Variants in FGD4 observed in about 807,000 individuals in gnomAD.
The protein encoded by FGD4 is FYVE, RhoGEF and PH domain-containing protein 4.
Under a neutral mutation model 102.0 loss-of-function variants are expected in FGD4, and 42 were observed. The observed-to-expected ratio is 0.41, with a 90% CI of 0.32 to 0.53. The LOEUF (loss-of-function observed/expected upper bound fraction) is 0.53, where lower values mean the gene tolerates loss of function less well. FGD4 is among the 20% of genes least tolerant of loss of function. The pLI, the probability that FGD4 is intolerant of heterozygous loss-of-function variation, is 0.21. For synonymous variants in FGD4, 380 were observed against 375.7 expected (o/e 1.01, Z -0.13); for missense variants, 902 against 1,078.2 (o/e 0.84, Z 2.29).
intron 1 of FGD4, among the ~76,000 whole-genome samples, chr12:32,470,663 A>G (rs1033062818): frequency 6.6e-6 from 1 of 151,922 alleles, no homozygotes; most frequent in Non-Finnish European, 1.5e-5. Context: ...CATGTTGGCC[A>G]TGCTGGTCTC....
intron 1 of FGD4, among the ~76,000 whole-genome samples, chr12:32,484,872 A>G (rs1943850179): frequency 6.6e-6 from 1 of 152,198 alleles, no homozygotes; most frequent in Admixed American, 6.5e-5. Context: ...ACTCTGTCTC[A>G]GAAAAAAAAC....
intron 1 of FGD4, among the ~76,000 whole-genome samples, chr12:32,539,555 G>A (rs2136119078): frequency 6.8e-6 from 1 of 147,728 alleles, no homozygotes; most frequent in Middle Eastern, 3.5e-3. Flanking sequence ...GGCAACAAGA[G>A]CGAAACTCTG....
chr12:32,619,404 G>A (rs187225005), intron 10 of FGD4, among the ~76,000 whole-genome samples: 194 of 152,088 alleles, frequency 1.3e-3, no homozygotes, highest in Non-Finnish European at 1.9e-3. Flanking sequence ...TGAGGCGGGC[G>A]GATCACGAGG....
intron 2 of FGD4, among the ~76,000 whole-genome samples, chr12:32,575,144 G>A (rs1420619867): frequency 1.3e-5 from 2 of 152,150 alleles, no homozygotes; most frequent in East Asian, 3.9e-4. Flanking sequence ...GACTTATGAA[G>A]AAAGTAGATG....
chr12:32,472,455 T>A (rs1943439464), intron 1 of FGD4, among the ~76,000 whole-genome samples: 1 of 152,176 alleles, frequency 6.6e-6, no homozygotes, highest in South Asian at 2.1e-4. Context: ...GCGGAGGGTG[T>A]ACTGGGTCCC....
chr12:32,634,397 C>A (rs1950673341), intron 15 of FGD4, among the ~76,000 whole-genome samples: 1 of 152,230 alleles, frequency 6.6e-6, no homozygotes, highest in South Asian at 2.1e-4. Context: ...TTACTATAGT[C>A]ATTTAATTGC....
chr12:32,632,828 A>G (rs116168698), intron 14 of FGD4, among the ~76,000 whole-genome samples: 2,156 of 151,360 alleles, frequency 0.014, 55 homozygotes, highest in African/African-American at 0.05. Flanking sequence ...TCGGCCTCCC[A>G]AAGTGCTGAG....
At chr12:32,406,725 A>G (rs187688176) in intron 1 of FGD4, among the ~76,000 whole-genome samples, 1 of 152,084 alleles carries the variant, frequency 6.6e-6, no homozygotes, top group African/African-American at 2.4e-5. Context: ...ATTACTTGGG[A>G]TTGCTAATTA....
Position 32,640,648 on chromosome 12 carries a change from G to C in FGD4, c.*115G>C. The C allele has an allele frequency of 7.1e-7, 1 of 1,414,940 alleles. No individual in the cohort carries two copies. Among genetic ancestry groups the C allele is most frequent in the East Asian group, 2.4e-5 (1 of 42,356 alleles). The allele number at this position is 1,414,940 out of a possible 1,614,324, so 87.6% of individuals were successfully genotyped here. A position where few individuals can be genotyped will look rare whatever the true frequency, so the allele number is the denominator to read the frequency against. On this transcript the variant is annotated 3_prime_UTR_variant, in exon 17 of 17. Transcript: ENST00000534526. ...TGTTGAAAAATATAGGCCCATAAAT[G>C]CATCTTTTGAGGACTATTTTCCTAT...
intron 1 of FGD4, among the ~76,000 whole-genome samples, chr12:32,558,091 C>G (rs1302831153): frequency 6.6e-6 from 1 of 152,114 alleles, no homozygotes; most frequent in Non-Finnish European, 1.5e-5. Flanking sequence ...TAACCACAGT[C>G]TCATAATGAG....
intron 1 of FGD4, among the ~76,000 whole-genome samples, chr12:32,465,022 G>T (rs909015118): frequency 6.6e-6 from 1 of 152,142 alleles, no homozygotes; most frequent in Admixed American, 6.5e-5. Context: ...CCAGAGAAGA[G>T]TAGTGGCTAT....
intron 1 of FGD4, among the ~76,000 whole-genome samples, chr12:32,562,551 A>G: frequency 6.6e-6 from 1 of 151,878 alleles, no homozygotes; most frequent in Non-Finnish European, 1.5e-5. Context: ...TAGGCAGAGG[A>G]CCCTGCGGCC....
At chr12:32,591,973 T>C (rs1223680751) in intron 4 of FGD4, among the ~76,000 whole-genome samples, 1 of 152,224 alleles carries the variant, frequency 6.6e-6, no homozygotes, top group African/African-American at 2.4e-5. Flanking sequence ...GCTGATAGCT[T>C]AGATATCCTC....
At chr12:32,481,987 C>A (rs1943779581) in intron 1 of FGD4, among the ~76,000 whole-genome samples, 1 of 152,102 alleles carries the variant, frequency 6.6e-6, no homozygotes, top group South Asian at 2.1e-4. Flanking sequence ...AAATAAAACC[C>A]TCTATAGTAG....
intron 2 of FGD4, among the ~76,000 whole-genome samples, chr12:32,564,627 A>G (rs1565848123): frequency 6.6e-6 from 1 of 152,210 alleles, no homozygotes; most frequent in Admixed American, 6.5e-5. Flanking sequence ...GTTAGAAAGA[A>G]ATGATTTGCT....
intron 14 of FGD4, among the ~76,000 whole-genome samples, chr12:32,631,872 A>T (rs1950521192): frequency 1.3e-5 from 2 of 152,164 alleles, no homozygotes; most frequent in Non-Finnish European, 2.9e-5. Context: ...ATGATTTTTG[A>T]TATTGGCATA....
intron 1 of FGD4, among the ~76,000 whole-genome samples, chr12:32,509,507 A>G (rs1016464725): frequency 2.0e-5 from 3 of 152,168 alleles, no homozygotes; most frequent in African/African-American, 7.2e-5. Context: ...TACACAAAAT[A>G]TTCATGCTTA....
chr12:32,488,852 T>C (rs1241175524), intron 1 of FGD4, among the ~76,000 whole-genome samples: 2 of 152,144 alleles, frequency 1.3e-5, no homozygotes, highest in Middle Eastern at 3.2e-3. Flanking sequence ...GGCAGGAGAA[T>C]CGCTTGAACC....
At chr12:32,557,157 T>C (rs1944187806) in intron 1 of FGD4, among the ~76,000 whole-genome samples, 1 of 152,230 alleles carries the variant, frequency 6.6e-6, no homozygotes, top group African/African-American at 2.4e-5. Context: ...CCAGCAGGGA[T>C]ATGCTTTTTT....
Sources: gnomAD v4.1 joint callset for allele counts (sites outside exome capture counted in the v4.1 genomes callset) on GRCh38, gnomAD v4.1.1 for gene constraint, MANE v1.5 for transcripts, NCBI Gene and HGNC (gene_info 2026-07-23, HGNC 2026-07-21) for gene names.